KIF13B: variants seen among roughly 807,000 people sequenced by gnomAD.
The protein encoded by KIF13B is kinesin family member 13B, also known as kinesin-like protein KIF13B.
Under a neutral mutation model 222.0 loss-of-function variants are expected in KIF13B, and 127 were observed. The observed-to-expected ratio is 0.57, with a 90% CI of 0.50 to 0.66. The LOEUF is 0.66. Among genes scored for constraint, KIF13B ranks in the 30% least tolerant of loss-of-function variants. The probability of loss-of-function intolerance (pLI) is 0.00; values close to 1 mark genes in which losing one functional copy is unlikely to be tolerated. For synonymous variants in KIF13B, 976 were observed against 919.0 expected (o/e 1.06, Z -1.12); for missense variants, 2,173 against 2,379.0 (o/e 0.91, Z 1.80).
chr8:29,112,419 G>A (rs906683182), intron 32 of KIF13B, among the ~76,000 whole-genome samples: 6 of 130,640 alleles, frequency 4.6e-5, no homozygotes, highest in Non-Finnish European at 6.2e-5. Context: ...GTGACAGAGC[G>A]AGACTCAGTC....
At chr8:29,083,714 C>G (rs193066453) in intron 37 of KIF13B, among the ~76,000 whole-genome samples, 20 of 152,150 alleles carry the variant, frequency 1.3e-4, no homozygotes, top group Non-Finnish European at 2.5e-4. Context: ...CCTCCCTAAA[C>G]TGAACAGAAA....
chr8:29,097,030 G>A (rs1477571790), intron 36 of KIF13B, among the ~76,000 whole-genome samples: 1 of 152,166 alleles, frequency 6.6e-6, no homozygotes, highest in African/African-American at 2.4e-5. Context: ...TACGAGATGA[G>A]ATTCAGGGGG....
chr8:29,253,763 G>C (rs1310567071), intron 1 of KIF13B, among the ~76,000 whole-genome samples: 1 of 143,082 alleles, frequency 7.0e-6, no homozygotes, highest in Non-Finnish European at 1.5e-5. Flanking sequence ...CTGGGAGGCA[G>C]AGGCTGCAGT....
chr8:29,110,294 A>G (rs1305007168), intron 32 of KIF13B, among the ~76,000 whole-genome samples: 2 of 152,256 alleles, frequency 1.3e-5, no homozygotes, highest in African/African-American at 2.4e-5. Context: ...AACACAGCGC[A>G]TTCTCAACAA....
At position 29,256,978 on chromosome 8, in the gene KIF13B, C is replaced by T. The variant is rs182303676; in HGVS notation, c.55+6002G>A. On this transcript the variant is annotated intron_variant, in intron 1 of 39. Transcript: ENST00000524189. ...CCATGTTGGCCAGTCTGGTCTCAAACTCCTGGCCTCAAGTGATCCACCCAC... is the reference window on the plus strand; with the variant it reads ...CCATGTTGGCCAGTCTGGTCTCAAATTCCTGGCCTCAAGTGATCCACCCAC... 2.7e-3 allele frequency among the ~76,000 whole-genome samples: 411 copies of T among 152,280 alleles called. 6 individuals are homozygous for T. The highest frequency in any genetic ancestry group is 0.022 in the Admixed American group (338 of 15,296).
chr8:29,158,811 C>T (rs1411825516), intron 13 of KIF13B, among the ~76,000 whole-genome samples: 1 of 151,894 alleles, frequency 6.6e-6, no homozygotes, highest in Non-Finnish European at 1.5e-5. Context: ...ACAACCCAAA[C>T]ACCTCCACAC....
In KIF13B at chr8:29,186,795, C is replaced by T. The variant is rs553385511; in HGVS notation, c.317-323G>A. On this transcript the variant is annotated intron_variant, in intron 5 of 39. Coordinates refer to ENST00000524189, the MANE Select transcript of KIF13B (RefSeq NM_015254.4). ...GCAACAAGGTGAAACCCCGTCTCTA[C>T]TAAAATACAAAAAAAAAAGAAAAAT... Among the ~76,000 whole-genome samples the T allele has an allele frequency of 2.2e-4, 33 of 148,044 alleles. No homozygotes were observed. In the East Asian group the frequency reaches 5.8e-3, roughly 26 times the overall value.
chr8:29,216,026 T>G (rs1443944060), intron 2 of KIF13B, among the ~76,000 whole-genome samples: 1 of 152,180 alleles, frequency 6.6e-6, no homozygotes, highest in Non-Finnish European at 1.5e-5. Flanking sequence ...CCAGCGGAGA[T>G]GAAGGGAGAT....
chr8:29,073,182 T>A (rs1807393944), intron 38 of KIF13B, among the ~76,000 whole-genome samples: 1 of 146,798 alleles, frequency 6.8e-6, no homozygotes, highest in Non-Finnish European at 1.5e-5. Context: ...GGACAAAGGC[T>A]CCCTGTGGGC....
At chr8:29,131,105 T>G (rs1383273705) in intron 23 of KIF13B, among the ~76,000 whole-genome samples, 1 of 152,038 alleles carries the variant, frequency 6.6e-6, no homozygotes, top group African/African-American at 2.4e-5. Flanking sequence ...CGCTTATAAG[T>G]GGGAGCTAAA....
chr8:29,107,795 C>T (rs184112871), intron 35 of KIF13B, among the ~76,000 whole-genome samples: 57 of 152,164 alleles, frequency 3.7e-4, no homozygotes, highest in African/African-American at 1.2e-3. Context: ...CTCCTGACCT[C>T]GTGATCCGCC....
intron 12 of KIF13B, among the ~76,000 whole-genome samples, chr8:29,165,006 CCTAG>C (rs1244001598): frequency 6.6e-5 from 10 of 152,118 alleles, no homozygotes; most frequent in Admixed American, 6.5e-4. Context: ...TGCCACCACG[CCTAG>C]CTAATTTTTG....
intron 21 of KIF13B, among the ~76,000 whole-genome samples, chr8:29,137,078 A>G (rs541433953): frequency 2.0e-5 from 3 of 152,180 alleles, no homozygotes; most frequent in Admixed American, 6.5e-5. Flanking sequence ...GGGATTACAG[A>G]CGTGAGCCGC....
chr8:29,218,073 CTG>C (rs1293577418), intron 2 of KIF13B, among the ~76,000 whole-genome samples: 1 of 152,192 alleles, frequency 6.6e-6, no homozygotes, highest in African/African-American at 2.4e-5. Flanking sequence ...CACCGTTACA[CTG>C]TGCTTATTGG....
Position 29,071,766 on chromosome 8 carries a change from G to T in KIF13B, c.5072C>A (p.Ser1691Tyr). 2 of 1,549,288 alleles carry T rather than the reference G, an allele frequency of 1.3e-6. No homozygotes were observed. The highest frequency in any genetic ancestry group is 1.7e-6 in the Non-Finnish European group (2 of 1,146,600). ...GAGGQALASD[S>Y]EEADEVPEWL... ...CTCCGGGACCTCGTCAGCTTCCTCG[G>T]AATCAGAGGCCAGGGCCTGTCCCCC... is the stretch of plus-strand genomic sequence containing the variant. Residue 1691 changes from serine (S) to tyrosine (Y), a missense_variant, in exon 39 of 40, where the codon TCC (serine) becomes TAC (tyrosine). Ser to Tyr is a moderately radical substitution (Grantham distance 144). Coordinates refer to ENST00000524189, the MANE Select transcript of KIF13B (RefSeq NM_015254.4). This position sits in a 1 kb window ranked among gnomAD's most constrained non-coding sequence, Gnocchi z 4.9.
At chr8:29,095,088 A>G (rs1189963798) in intron 36 of KIF13B, among the ~76,000 whole-genome samples, 1 of 152,212 alleles carries the variant, frequency 6.6e-6, no homozygotes, top group Non-Finnish European at 1.5e-5. Context: ...AAAAGTTTTA[A>G]TGAATAATGT....
intron 33 of KIF13B, among the ~76,000 whole-genome samples, 180 bp downstream of exon 33, chr8:29,109,738 T>G (rs933859659): frequency 1.3e-5 from 2 of 152,200 alleles, no homozygotes; most frequent in Admixed American, 1.3e-4. Context: ...TAAAATTAAA[T>G]AAAGGCTGTT....
intron 2 of KIF13B, among the ~76,000 whole-genome samples, chr8:29,229,601 G>A (rs150157804): frequency 3.7e-4 from 57 of 152,308 alleles, no homozygotes; most frequent in Admixed American, 7.2e-4. Context: ...CAAGAATGCT[G>A]TGCTGGCTGT....
In KIF13B at chr8:29,070,515, A is replaced by G; in HGVS notation, c.5470T>C (p.Trp1824Arg). The G allele has an allele frequency of 6.2e-7, 1 of 1,610,596 alleles. No individual in the cohort carries two copies. The highest frequency in any genetic ancestry group is 1.1e-5 in the South Asian group (1 of 90,592). ...CCTAAGGCAGCGGCTCAGCTGGCCC[A>G]GGATTTCCGGTTCTCAGGGTTCTTG... ...SHKNPENRKS[W>R]AS is the part of the protein sequence containing the mutation. The change falls in exon 40 of 40, where the codon TGG becomes CGG. Residue 1824 changes from tryptophan (W) to arginine (R), a missense_variant. Around this residue, in one of 2 missense-constraint regions of KIF13B, gnomAD observed 693 missense variants for 656.2 expected, o/e 1.06. Coordinates refer to ENST00000524189, the MANE Select transcript of KIF13B (RefSeq NM_015254.4). This position sits in a 1 kb window ranked among gnomAD's most constrained non-coding sequence, Gnocchi z 4.1.
Sources: gnomAD v4.1 joint callset for allele counts (sites outside exome capture counted in the v4.1 genomes callset) on GRCh38, gnomAD v4.1.1 for gene constraint, gnomAD v4.1.1 regional missense constraint, Gnocchi (gnomAD v3.1) non-coding constraint, MANE v1.5 for transcripts, NCBI Gene and HGNC (gene_info 2026-07-23, HGNC 2026-07-21) for gene names.